The following SNUPN variants were observed in gnomAD, a reference collection of about 807,000 sequenced individuals.
The protein encoded by SNUPN is snurportin 1.
A neutral mutation model predicts 39.2 loss-of-function variants in SNUPN; 31 were observed. The observed-to-expected ratio is 0.79, with a 90% CI of 0.59 to 1.07. SNUPN has a LOEUF of 1.07. SNUPN is among the 50% of genes least tolerant of loss of function. SNUPN has a pLI of 0.00. For missense variants in SNUPN, 382 were observed against 434.2 expected, an observed-to-expected ratio of 0.88 and a Z score of 1.07; for synonymous variants, 132 against 159.0, an observed-to-expected ratio of 0.83 and a Z score of 1.28.
chr15:75,599,938 C>T (rs1343586466), intron 8 of SNUPN, among the ~76,000 whole-genome samples: 2 of 151,902 alleles, frequency 1.3e-5, no homozygotes, highest in Non-Finnish European at 2.9e-5. Context: ...CTCCGCCTCC[C>T]GGGTTCAAGA....
intron 8 of SNUPN, chr15:75,600,859 GCCTCAGTTTCTCCGGA>G (rs2075279714): frequency 8.3e-6 from 3 of 362,152 alleles, no homozygotes; most frequent in Admixed American, 4.0e-5. Flanking sequence ...TCCTATCTGG[GCCTCAGTTTCTCCGGA>G]CCTCAGTTTC....
Position 75,598,436 on chromosome 15 carries a change from T to A in SNUPN, c.1005A>T (p.Glu335Asp). 4 of 1,614,236 alleles carry A rather than the reference T, an allele frequency of 2.5e-6. No homozygotes were observed. The highest frequency in any genetic ancestry group is 3.4e-6 in the Non-Finnish European group (4 of 1,180,048). ...ACTTGGGAGTAGACAGGTGCTCCAA[T>A]TCATAGTGCCCATTCTCAGAGGCCT... ...THKASENGHY[E>D]LEHLSTPKLK... is the part of the protein sequence containing the mutation. Residue 335 changes from glutamate to aspartate, a missense_variant, in exon 9 of 9, where the codon GAA (glutamate) becomes GAT (aspartate). Coordinates refer to ENST00000308588, the MANE Select transcript of SNUPN (RefSeq NM_005701.4).
intron 1 of SNUPN, among the ~76,000 whole-genome samples, chr15:75,623,035 T>C (rs1480299941): frequency 1.3e-5 from 2 of 152,242 alleles, no homozygotes; most frequent in East Asian, 1.9e-4. Flanking sequence ...CTTAACCATT[T>C]GTAGGTGTAC....
intron 3 of SNUPN, among the ~76,000 whole-genome samples, chr15:75,617,098 T>C (rs907576956): frequency 5.9e-5 from 9 of 152,242 alleles, no homozygotes; most frequent in Non-Finnish European, 1.2e-4. Context: ...ATATGGAGTG[T>C]GTTACTATAT....
chr15:75,600,988 G>A, intron 8 of SNUPN, 150 bp downstream of exon 8: 1 of 642,922 alleles, frequency 1.6e-6, no homozygotes, highest in African/African-American at 1.8e-5. Context: ...GCTCTGAAGG[G>A]CAGCAAGTAC....
At chr15:75,607,190 G>A in intron 6 of SNUPN, 26 bp downstream of exon 6, 1 of 1,537,278 alleles carries the variant, frequency 6.5e-7, no homozygotes, top group South Asian at 1.1e-5. Flanking sequence ...GACAGGAAGA[G>A]CCACGAGAGG....
At position 75,620,973 on chromosome 15, in the gene SNUPN, G is replaced by A. The variant is rs145301521; in HGVS notation, c.79C>T (p.Arg27Cys). 565 of 1,613,888 alleles carry A rather than the reference G, an allele frequency of 3.5e-4. No homozygotes were observed. The highest frequency in any genetic ancestry group is 4.3e-4 in the Non-Finnish European group (507 of 1,179,904). The change falls in exon 2 of 9, where the codon CGC becomes TGC. Residue 27 changes from arginine to cysteine, a missense_variant. By Grantham distance (180) the Arg-to-Cys change is radical. Coordinates refer to ENST00000308588, the MANE Select transcript of SNUPN (RefSeq NM_005701.4). ...DLNSTAAPHP[R>C]LSQYKSKYSS... ...TACTTGGACTTGTACTGGGATAGGC[G>A]GGGGTGTGGGGCAGCTGTGCTGTTC... is the stretch of plus-strand genomic sequence containing the variant.
upstream of SNUPN, chr15:75,625,977 T>C (rs1893218930): frequency 6.6e-6 from 1 of 152,388 alleles, no homozygotes; most frequent in South Asian, 2.1e-4. Flanking sequence ...GCCTCCCTCC[T>C]GAACACAAGC....
intron 3 of SNUPN, among the ~76,000 whole-genome samples, chr15:75,612,665 T>C (rs1892816392): frequency 6.6e-6 from 1 of 151,976 alleles, no homozygotes; most frequent in Non-Finnish European, 1.5e-5. Flanking sequence ...TCTCTTTCTG[T>C]TTGTCTCCTC....
At chr15:75,604,656 C>T (rs906517612) in intron 7 of SNUPN, among the ~76,000 whole-genome samples, 1 of 152,030 alleles carries the variant, frequency 6.6e-6, no homozygotes, top group African/African-American at 2.4e-5. Context: ...GATGTTATTA[C>T]CCTATTTTTC....
chr15:75,611,577 C>G (rs1374984679), intron 3 of SNUPN, among the ~76,000 whole-genome samples: 2 of 151,598 alleles, frequency 1.3e-5, no homozygotes, highest in East Asian at 4.0e-4. Context: ...CTTTTTGTGG[C>G]CAGGAACGGT....
rs1595984742 is a variant in SNUPN at position 75,609,933 on chromosome 15, A to C, written c.365T>G (p.Val122Gly). 5 of 1,614,106 alleles carry C rather than the reference A, an allele frequency of 3.1e-6. No homozygotes were observed. Among genetic ancestry groups the C allele is most frequent in the Non-Finnish European group, 4.2e-6 (5 of 1,180,010 alleles). The stretch of plus-strand genomic sequence containing the variant: ...GGCTCTTTTTCCAACAGGGCACACG[A>C]CCACAATCCATTCCTGCCCCAAATC... ...PSDLGQEWIV[V>G]VCPVGKRALI... The change falls in exon 4 of 9, where the codon GTC (valine) becomes GGC (glycine). Residue 122 changes from valine to glycine, a missense_variant. Transcript: ENST00000308588.
chr15:75,601,360 A>ACTTT, intron 7 of SNUPN, 142 bp from the exon 8 acceptor site: 1 of 593,618 alleles, frequency 1.7e-6, no homozygotes, highest in Non-Finnish European at 3.1e-6. Context: ...GGATCACCTG[A>ACTTT]GGTCAAGAAA....
Position 75,603,527 on chromosome 15 carries a change from G to C in SNUPN, c.678+1623C>G, listed in dbSNP as rs189804516. 5.8e-3 allele frequency among the ~76,000 whole-genome samples: 884 copies of C among 151,424 alleles called. 7 individuals are homozygous for C. The highest frequency in any genetic ancestry group is 0.02 in the African/African-American group (840 of 41,346). On this transcript the variant is annotated intron_variant, in intron 7 of 8. Coordinates refer to ENST00000308588, the MANE Select transcript of SNUPN (RefSeq NM_005701.4). The stretch of plus-strand genomic sequence containing the variant: ...ATACAAAAAATTAGCCGGTCGTGGT[G>C]GTGGGCGCCTATAGTCCCAGCTACT...
intron 3 of SNUPN, among the ~76,000 whole-genome samples, chr15:75,613,654 AAAAG>A (rs1489691375): frequency 1.3e-4 from 19 of 151,420 alleles, no homozygotes; most frequent in East Asian, 1.9e-4. Context: ...AAAAAAAAAA[AAAAG>A]AAAAGAAAAG....
At chr15:75,609,339 A>G (rs1332420932) in intron 5 of SNUPN, among the ~76,000 whole-genome samples, 4 of 151,590 alleles carry the variant, frequency 2.6e-5, no homozygotes, top group Admixed American at 2.6e-4. Context: ...ACAGGTGCCC[A>G]CCACCGCACC....
intron 3 of SNUPN, among the ~76,000 whole-genome samples, chr15:75,610,901 G>A (rs1029728464): frequency 5.9e-5 from 9 of 152,236 alleles, no homozygotes; most frequent in Middle Eastern, 3.4e-3. Flanking sequence ...TGGGCGAGGT[G>A]GCTCACGCCT....
rs191652477 is a variant in SNUPN, at chr15:75,610,740, A to G, written c.304-746T>C. On this transcript the variant is annotated intron_variant, in intron 3 of 8. Coordinates refer to ENST00000308588, the MANE Select transcript of SNUPN (RefSeq NM_005701.4). ...AGCATTTCTCAAACCGATGCCCCAAATACTATACTACAGGATGTTAGGAAA... is the reference window on the plus strand; with the variant it reads ...AGCATTTCTCAAACCGATGCCCCAAGTACTATACTACAGGATGTTAGGAAA... Among the ~76,000 whole-genome samples the G allele has an allele frequency of 1.6e-4, 24 of 152,304 alleles. No individual in the cohort carries two copies. The East Asian group carries it at 4.6e-3, about 29-fold the overall frequency.
At chr15:75,623,812 G>C (rs973697664) in intron 1 of SNUPN, among the ~76,000 whole-genome samples, 3 of 152,046 alleles carry the variant, frequency 2.0e-5, no homozygotes, top group Admixed American at 6.6e-5. Context: ...GAGGCCTCAT[G>C]ATGAGTGCTT....
Sources: gnomAD v4.1 joint callset for allele counts (sites outside exome capture counted in the v4.1 genomes callset) on GRCh38, gnomAD v4.1.1 for gene constraint, MANE v1.5 for transcripts, NCBI Gene and HGNC (gene_info 2026-07-23, HGNC 2026-07-21) for gene names.